The following CPXM2 variants were observed in gnomAD, a reference collection of about 807,000 sequenced individuals.
The protein encoded by CPXM2 is inactive carboxypeptidase-like protein X2.
Under a neutral mutation model 86.1 loss-of-function variants are expected in CPXM2, and 66 were observed. The ratio of observed to expected loss-of-function variants is 0.77; its 90% CI spans 0.63 to 0.94. The LOEUF is 0.94. Ranked by LOEUF, CPXM2 falls within the 40% of genes least tolerant of loss-of-function variation. The pLI is 0.00. For missense variants in CPXM2, 948 were observed against 1,026.3 expected, an observed-to-expected ratio of 0.92 and a Z score of 1.04; for synonymous variants, 388 against 400.2, an observed-to-expected ratio of 0.97 and a Z score of 0.36.
intron 4 of CPXM2, among the ~76,000 whole-genome samples, chr10:123,830,773 C>CA (rs57499506): frequency 8.2e-5 from 12 of 146,964 alleles, no homozygotes; most frequent in East Asian, 6.0e-4. Flanking sequence ...GAATAATATG[C>CA]AAAAAAAAAA....
At chr10:123,797,794 G>C (rs952423270) in intron 6 of CPXM2, among the ~76,000 whole-genome samples, 182 bp downstream of exon 6, 2 of 151,940 alleles carry the variant, frequency 1.3e-5, no homozygotes, top group African/African-American at 4.8e-5. Context: ...TTGTGGCCCA[G>C]GCTGGTCTTG....
At chr10:123,909,945 G>A (rs1178288391) in intron 2 of CPXM2, among the ~76,000 whole-genome samples, 1 of 152,154 alleles carries the variant, frequency 6.6e-6, no homozygotes, top group Non-Finnish European at 1.5e-5. Context: ...AGATGCCCTC[G>A]AGAGAGGTGG....
At chr10:123,863,598 C>T (rs1848907750) in intron 2 of CPXM2, among the ~76,000 whole-genome samples, 1 of 152,216 alleles carries the variant, frequency 6.6e-6, no homozygotes, top group Non-Finnish European at 1.5e-5. Flanking sequence ...CACTCTCCAT[C>T]CTGCCTACCA....
intron 4 of CPXM2, among the ~76,000 whole-genome samples, chr10:123,840,012 G>A (rs1848356047): frequency 1.3e-5 from 2 of 152,142 alleles, no homozygotes; most frequent in African/African-American, 2.4e-5. Flanking sequence ...AACCCTTCTT[G>A]TGTTTCTAGC....
chr10:123,893,084 G>A (rs78863951), upstream of CPXM2, among the ~76,000 whole-genome samples: 17,421 of 152,208 alleles, frequency 0.11, 1,218 homozygotes, highest in Non-Finnish European at 0.13. Context: ...TAACCACATC[G>A]GCAAAGTCCA....
At chr10:123,826,109 G>C (rs920204698) in intron 4 of CPXM2, among the ~76,000 whole-genome samples, 1 of 152,194 alleles carries the variant, frequency 6.6e-6, no homozygotes, top group African/African-American at 2.4e-5. Context: ...TCAACACTAT[G>C]AGGTATCATT....
At chr10:123,808,359 AAACAACAACAAC>A (rs57892592) in intron 4 of CPXM2, among the ~76,000 whole-genome samples, 2 of 150,174 alleles carry the variant, frequency 1.3e-5, no homozygotes, top group Admixed American at 6.6e-5. Flanking sequence ...GGGCAAACAA[AAACAACAACAAC>A]AACAACAACA....
chr10:123,817,854 G>A (rs1250657349), intron 4 of CPXM2, among the ~76,000 whole-genome samples: 1 of 152,192 alleles, frequency 6.6e-6, no homozygotes, highest in Non-Finnish European at 1.5e-5. Flanking sequence ...CACCTTTCTA[G>A]GACATCCCTG....
At chr10:123,866,330 G>A (rs1318281656) in intron 2 of CPXM2, among the ~76,000 whole-genome samples, 4 of 152,130 alleles carry the variant, frequency 2.6e-5, no homozygotes, top group Admixed American at 6.5e-5. Flanking sequence ...TTGGGAGGCC[G>A]AGGCAGGTGG....
chr10:123,892,565 C>T (rs975313271), upstream of CPXM2, among the ~76,000 whole-genome samples: 1 of 152,176 alleles, frequency 6.6e-6, no homozygotes. Context: ...TGTGGGGAAC[C>T]AGGGACTGCA....
chr10:123,844,614 GTTC>G (rs1344545537), intron 3 of CPXM2, among the ~76,000 whole-genome samples: 1 of 152,062 alleles, frequency 6.6e-6, no homozygotes, highest in Non-Finnish European at 1.5e-5. Context: ...GTTTTTCTGT[GTTC>G]TTCTCTCAAA....
Position 123,878,186 on chromosome 10 carries a change from C to T in CPXM2, c.403+2025G>A, listed in dbSNP as rs751996382. Among the ~76,000 whole-genome samples, 7 of 152,076 alleles carry T rather than the reference C, an allele frequency of 4.6e-5. No homozygotes were observed. In the East Asian group the frequency reaches 9.6e-4, roughly 21 times the overall value. ...TCTAGGCCTGCGTTCCTAACGGCCA[C>T]GCCACCCTGCCACATGTGCCCTGCC... On this transcript the variant is annotated intron_variant, in intron 2 of 13. Coordinates refer to ENST00000241305, the MANE Select transcript of CPXM2 (RefSeq NM_198148.3).
At position 123,798,009 on chromosome 10, in the gene CPXM2, T is replaced by C. The variant is rs1847370865; in HGVS notation, c.856A>G (p.Met286Val). 6.2e-7 allele frequency: 1 copy of C among 1,610,292 alleles called. No individual in the cohort carries two copies. Among genetic ancestry groups the C allele is most frequent in the Non-Finnish European group, 8.5e-7 (1 of 1,178,174 alleles). ...GGGCAGCCCAGGATCTCCATTCTCA[T>C]GCAGATGCTCCCATTATCAAACCAG... ...QSWFDNGSIC[M>V]RMEILGCPLP... Residue 286 changes from methionine (M) to valine (V), a missense_variant, in exon 6 of 14, where the codon ATG becomes GTG. By Grantham distance (21) the Met-to-Val change is conservative. Coordinates refer to ENST00000241305, the MANE Select transcript of CPXM2 (RefSeq NM_198148.3).
chr10:123,943,302 A>T (rs900029380), upstream of CPXM2, among the ~76,000 whole-genome samples: 10 of 152,226 alleles, frequency 6.6e-5, no homozygotes, highest in South Asian at 2.1e-4. Flanking sequence ...TGTGCCTTTT[A>T]AAAATTATCC....
chr10:123,866,657 C>T (rs576749552), intron 2 of CPXM2, among the ~76,000 whole-genome samples: 58 of 152,314 alleles, frequency 3.8e-4, no homozygotes, highest in African/African-American at 1.3e-3. Context: ...CTGGAGGCCC[C>T]CATCAGGCAG....
Position 123,754,289 on chromosome 10 carries a change from G to A in CPXM2, c.2017+374C>T, listed in dbSNP as rs961326459. Among the ~76,000 whole-genome samples, 11 of 152,052 alleles carry A rather than the reference G, an allele frequency of 7.2e-5. No individual in the cohort carries two copies. Among genetic ancestry groups the A allele is most frequent in the Admixed American group, 2.6e-4 (4 of 15,270 alleles). ...CTCTCCGGAGCAGCCTGGCTCCCTC[G>A]CTCCCTGGCCCCTCTGCACTCATGG... On this transcript the variant is annotated intron_variant, in intron 13 of 13. Coordinates refer to ENST00000241305, the MANE Select transcript of CPXM2 (RefSeq NM_198148.3). This position sits in a 1 kb window ranked among gnomAD's most constrained non-coding sequence, Gnocchi z 4.0.
At chr10:123,909,200 C>T (rs1185697020) in intron 2 of CPXM2, among the ~76,000 whole-genome samples, 11 of 152,066 alleles carry the variant, frequency 7.2e-5, no homozygotes, top group Admixed American at 6.5e-4. Flanking sequence ...GGGCTTCCCT[C>T]CACCCTGAGG....
At chr10:123,795,536 T>C (rs139223852) in intron 6 of CPXM2, among the ~76,000 whole-genome samples, 4 of 152,278 alleles carry the variant, frequency 2.6e-5, no homozygotes, top group African/African-American at 7.2e-5. Flanking sequence ...GGGTCATCCC[T>C]GGCTCTGGCC....
intron 4 of CPXM2, among the ~76,000 whole-genome samples, chr10:123,826,239 A>C (rs1041008062): frequency 6.6e-6 from 1 of 152,180 alleles, no homozygotes; most frequent in Non-Finnish European, 1.5e-5. Flanking sequence ...CAATGACAGG[A>C]AGACACCACC....
Sources: gnomAD v4.1 joint callset for allele counts (sites outside exome capture counted in the v4.1 genomes callset) on GRCh38, gnomAD v4.1.1 for gene constraint, Gnocchi (gnomAD v3.1) non-coding constraint, MANE v1.5 for transcripts, NCBI Gene and HGNC (gene_info 2026-07-23, HGNC 2026-07-21) for gene names.